The following DACH2 variants were observed in gnomAD, a reference collection of about 807,000 sequenced individuals.
The protein encoded by DACH2 is dachshund homolog 2.
In DACH2, 17 loss-of-function variants were observed where a neutral mutation model predicts 35.8. That is an observed-to-expected ratio of 0.48 (90% CI 0.33 to 0.71). The LOEUF is 0.71. Ranked by LOEUF, DACH2 falls within the 30% of genes least tolerant of loss-of-function variation. The pLI is 0.02. For missense variants in DACH2, 469 were observed against 472.7 expected (o/e 0.99, Z 0.07); for synonymous variants, 195 against 177.3 (o/e 1.10, Z -0.79).
chrX:86,637,979 G>A (rs1216364537), intron 3 of DACH2, among the ~76,000 whole-genome samples: 2 of 111,622 alleles, frequency 1.8e-5, no homozygotes, highest in African/African-American at 6.5e-5. Context: ...AAAAGAACAA[G>A]GGCAGAGGTA....
At chrX:86,218,730 T>G (rs2032634162) in intron 1 of DACH2, among the ~76,000 whole-genome samples, 1 of 112,159 alleles carries the variant, frequency 8.9e-6, no homozygotes, top group African/African-American at 3.2e-5. Context: ...TGACATTATA[T>G]AAGTTGAGAT....
Position 86,721,142 on chromosome X carries a change from T to C in DACH2, c.1104+6422T>C, listed in dbSNP as rs779449502. ...CATCCAAACCTGTGATGGGAAGATC[T>C]CTTACATGCCCTGGAGGCATTTTCC... On this transcript the variant is annotated intron_variant, in intron 6 of 11. Coordinates refer to ENST00000373125, the MANE Select transcript of DACH2 (RefSeq NM_053281.3). Among the ~76,000 whole-genome samples, 3 of 112,372 alleles carry C rather than the reference T, an allele frequency of 2.7e-5. No individual in the cohort carries two copies. The East Asian group carries it at 8.5e-4, about 32-fold the overall frequency.
chrX:86,325,570 T>A (rs750894897), intron 1 of DACH2, among the ~76,000 whole-genome samples: 1 of 112,120 alleles, frequency 8.9e-6, no homozygotes, highest in Non-Finnish European at 1.9e-5. Context: ...ATTTTTAATA[T>A]TTTAATTTAA....
chrX:86,678,510 G>C (rs2040845380), intron 4 of DACH2, among the ~76,000 whole-genome samples: 1 of 111,836 alleles, frequency 8.9e-6, no homozygotes, highest in Admixed American at 9.5e-5. Flanking sequence ...TTAATGTTTT[G>C]TGTCATTTAC....
At chrX:86,294,163 T>C (rs1479391230) in intron 1 of DACH2, among the ~76,000 whole-genome samples, 1 of 111,568 alleles carries the variant, frequency 9.0e-6, no homozygotes, top group Non-Finnish European at 1.9e-5. Context: ...TCTCACTTCA[T>C]TTCATTCATT....
chrX:86,286,247 C>T (rs1309812113), intron 1 of DACH2, among the ~76,000 whole-genome samples: 1 of 103,385 alleles, frequency 9.7e-6, no homozygotes, highest in Non-Finnish European at 2.0e-5. Flanking sequence ...CCTGCCTCAG[C>T]CTCCCGAGTA....
At chrX:86,678,484 A>T (rs1260626985) in intron 4 of DACH2, among the ~76,000 whole-genome samples, 4 of 112,161 alleles carry the variant, frequency 3.6e-5, no homozygotes, top group Non-Finnish European at 7.5e-5. Context: ...ACTTGGTAAA[A>T]ATAAGACAAT....
chrX:86,308,977 C>G (rs1427111405), intron 1 of DACH2, among the ~76,000 whole-genome samples: 1 of 111,712 alleles, frequency 9.0e-6, no homozygotes, highest in Non-Finnish European at 1.9e-5. Flanking sequence ...ACATACTTAA[C>G]AGCTGGCAGA....
At chrX:86,651,905 G>A (rs749088941) in intron 4 of DACH2, among the ~76,000 whole-genome samples, 50 of 111,689 alleles carry the variant, frequency 4.5e-4, no homozygotes, top group Non-Finnish European at 7.2e-4. Flanking sequence ...ATGATGGAAG[G>A]ATGGACACAT....
At chrX:86,676,976 A>C (rs1255741994) in intron 4 of DACH2, among the ~76,000 whole-genome samples, 1 of 111,729 alleles carries the variant, frequency 9.0e-6, no homozygotes, top group African/African-American at 3.2e-5. Flanking sequence ...AAAGGCACAC[A>C]GAGATATTTA....
chrX:86,312,371 A>G (rs1419198208), intron 1 of DACH2, among the ~76,000 whole-genome samples: 1 of 111,647 alleles, frequency 9.0e-6, no homozygotes, highest in Non-Finnish European at 1.9e-5. Context: ...TGTTAAGTGT[A>G]ATTATGACCT....
intron 7 of DACH2, among the ~76,000 whole-genome samples, chrX:86,795,230 T>A (rs1432635259): frequency 1.5e-5 from 1 of 66,578 alleles, no homozygotes; most frequent in Non-Finnish European, 3.4e-5. Context: ...TGGAAGCATG[T>A]TCTTTTTTTT....
At chrX:86,476,657 T>C (rs1048548364) in intron 2 of DACH2, among the ~76,000 whole-genome samples, 6 of 111,748 alleles carry the variant, frequency 5.4e-5, no homozygotes, top group Non-Finnish European at 1.1e-4. Flanking sequence ...TTATTTCTGC[T>C]CTGACCTTTA....
intron 5 of DACH2, among the ~76,000 whole-genome samples, chrX:86,700,051 T>C (rs765919018): frequency 5.4e-5 from 6 of 112,085 alleles, no homozygotes; most frequent in Admixed American, 1.9e-4. Flanking sequence ...TATCGTGCTG[T>C]CCAAGTGTGG....
chrX:86,242,440 A>C (rs1001916601), intron 1 of DACH2, among the ~76,000 whole-genome samples: 1 of 112,298 alleles, frequency 8.9e-6, no homozygotes, highest in African/African-American at 3.2e-5. Context: ...GGTAGCATTT[A>C]CTTAATGCCT....
chrX:86,270,858 CT>C (rs775423419), intron 1 of DACH2, among the ~76,000 whole-genome samples: 8 of 111,644 alleles, frequency 7.2e-5, no homozygotes, highest in African/African-American at 2.6e-4. Context: ...TGCAGATATT[CT>C]TTTCTGGCTA....
intron 11 of DACH2, chrX:86,829,976 G>A (rs2042597549): frequency 9.0e-6 from 1 of 110,756 alleles, no homozygotes; most frequent in African/African-American, 3.3e-5. Context: ...TCTCTGTTTA[G>A]AGCTCAAGAA....
chrX:86,772,929 C>T (rs1208812008), intron 7 of DACH2, among the ~76,000 whole-genome samples: 1 of 111,382 alleles, frequency 9.0e-6, no homozygotes, highest in Non-Finnish European at 1.9e-5. Flanking sequence ...AAGAAAACAT[C>T]CTGTAAGCCC....
At chrX:86,677,421 G>A (rs945989524) in intron 4 of DACH2, among the ~76,000 whole-genome samples, 2 of 111,521 alleles carry the variant, frequency 1.8e-5, no homozygotes, top group Admixed American at 1.9e-4. Flanking sequence ...AGTTCTCTTG[G>A]CTTCTAATCA....
Sources: gnomAD v4.1 joint callset for allele counts (sites outside exome capture counted in the v4.1 genomes callset) on GRCh38, gnomAD v4.1.1 for gene constraint, MANE v1.5 for transcripts, NCBI Gene and HGNC (gene_info 2026-07-23, HGNC 2026-07-21) for gene names.